Variants in CHRNA9 observed in about 807,000 individuals in gnomAD.
The protein encoded by CHRNA9 is cholinergic receptor nicotinic alpha 9 subunit.
In CHRNA9, 24 loss-of-function variants were observed where a neutral mutation model predicts 36.8. That is an observed-to-expected ratio of 0.65 (90% CI 0.47 to 0.92). CHRNA9 has a LOEUF of 0.92. Ranked by LOEUF, CHRNA9 falls within the 40% of genes least tolerant of loss-of-function variation. The pLI is 0.00. For synonymous variants in CHRNA9, 231 were observed against 231.8 expected (o/e 1.00, Z 0.03); for missense variants, 610 against 601.2 (o/e 1.01, Z -0.15).
chr4:40,337,089 C>A (rs527800170), intron 2 of CHRNA9, 121 bp from the exon 3 acceptor site: 7 of 853,852 alleles, frequency 8.2e-6, no homozygotes, highest in South Asian at 1.7e-5. Flanking sequence ...AAAGCTCTCA[C>A]TTTACTTATT....
At chr4:40,345,166 G>C (rs1712602579) in intron 3 of CHRNA9, among the ~76,000 whole-genome samples, 2 of 152,110 alleles carry the variant, frequency 1.3e-5, no homozygotes, top group Admixed American at 1.3e-4. Flanking sequence ...AGTATTGTTT[G>C]GGCTATAGGA....
At chr4:40,338,188 C>A (rs1408070537) in intron 3 of CHRNA9, 1 of 152,150 alleles carries the variant, frequency 6.6e-6, no homozygotes, top group Non-Finnish European at 1.5e-5. Context: ...AACCAGTTTA[C>A]GGGATACAAA....
Position 40,349,144 on chromosome 4 carries a change from G to A in CHRNA9, c.628G>A (p.Ala210Thr), listed in dbSNP as rs144779684. 48 of 1,614,168 alleles carry A rather than the reference G, an allele frequency of 3.0e-5. No individual in the cohort carries two copies. The highest frequency in any genetic ancestry group is 6.7e-5 in the Admixed American group (4 of 60,022). The part of the protein sequence containing the change: ...DVEWEVHGMP[A>T]VKNVISYGCC... ...GGAATGGGAGGTCCATGGCATGCCC[G>A]CTGTGAAGAATGTGATCTCCTATGG... is the stretch of plus-strand genomic sequence containing the variant. The change falls in exon 4 of 5, where the codon GCT becomes ACT. Residue 210 changes from alanine (A) to threonine (T), a missense_variant. Coordinates refer to ENST00000310169, the MANE Select transcript of CHRNA9 (RefSeq NM_017581.4).
At chr4:40,347,321 G>T (rs996662115) in intron 3 of CHRNA9, among the ~76,000 whole-genome samples, 2 of 152,140 alleles carry the variant, frequency 1.3e-5, no homozygotes, top group African/African-American at 4.8e-5. Context: ...TTAACTTAAG[G>T]AAAGGGTCAG....
intron 3 of CHRNA9, among the ~76,000 whole-genome samples, chr4:40,344,927 C>T (rs1320318682): frequency 6.6e-6 from 1 of 152,042 alleles, no homozygotes; most frequent in African/African-American, 2.4e-5. Context: ...TCACAGAGGT[C>T]GCCTCTGAGC....
intron 3 of CHRNA9, among the ~76,000 whole-genome samples, chr4:40,345,617 C>T (rs192357263): frequency 2.0e-5 from 3 of 151,512 alleles, no homozygotes. Context: ...GAGTCTGGGG[C>T]AGGAGAATTG....
In CHRNA9 at chr4:40,337,295, A is replaced by T; in HGVS notation, c.296A>T (p.Tyr99Phe). 1.2e-6 allele frequency: 2 copies of T among 1,614,244 alleles called. No homozygotes were observed. Among genetic ancestry groups the T allele is most frequent in the Non-Finnish European group, 1.7e-6 (2 of 1,180,026 alleles). The change falls in exon 3 of 5, where the codon TAC (tyrosine) becomes TTC (phenylalanine). Residue 99 changes from tyrosine (Y) to phenylalanine (F), a missense_variant. Tyr to Phe is a conservative substitution (Grantham distance 22). Transcript: ENST00000310169. Reference protein sequence around the residue: ...DAYLTWDRDQYDGLDSIRIPS... With the variant: ...DAYLTWDRDQFDGLDSIRIPS... The stretch of plus-strand genomic sequence containing the variant: ...TATCTCACGTGGGACCGAGATCAGT[A>T]CGATGGCCTAGACTCCATCAGGATC...
At position 40,349,332 on chromosome 4, in the gene CHRNA9, A is replaced by G; in HGVS notation, c.816A>G (p.Gly272=). The change falls in exon 4 of 5, where the codon GGA becomes GGG. Residue 272 remains glycine, a synonymous_variant. Transcript: ENST00000310169. ...PAASGEKVSL[G]VTILLAMTVF... ...CCTCCGGAGAAAAGGTCTCCCTGGG[A>G]GTGACCATCCTGTTGGCCATGACTG... 1 of 1,614,020 alleles carries G rather than the reference A, an allele frequency of 6.2e-7. No individual in the cohort carries two copies. The highest frequency in any genetic ancestry group is 1.1e-5 in the South Asian group (1 of 91,078).
At chr4:40,353,872 T>C in intron 4 of CHRNA9, 107 bp from the exon 5 acceptor site, 2 of 1,046,336 alleles carry the variant, frequency 1.9e-6, no homozygotes, top group South Asian at 3.1e-5. Flanking sequence ...CAAAATCACC[T>C]AATGACTAAT....
intron 3 of CHRNA9, 51 bp from the exon 4 acceptor site, chr4:40,348,831 G>A: frequency 6.4e-7 from 1 of 1,569,854 alleles, no homozygotes; most frequent in Non-Finnish European, 8.7e-7. Context: ...GGTAAGGAAG[G>A]TGGCAAGTTC....
intron 3 of CHRNA9, among the ~76,000 whole-genome samples, chr4:40,347,076 G>A (rs1020301996): frequency 2.0e-5 from 3 of 152,122 alleles, no homozygotes; most frequent in African/African-American, 4.8e-5. Flanking sequence ...GCCTCCCAAA[G>A]TGCTGGGATT....
intron 4 of CHRNA9, among the ~76,000 whole-genome samples, chr4:40,351,407 C>G (rs567084091): frequency 3.3e-5 from 5 of 151,882 alleles, no homozygotes; most frequent in Admixed American, 3.3e-4. Context: ...AACTCCTGGG[C>G]TCAAGTGATC....
chr4:40,339,342 A>T (rs1712430559), intron 3 of CHRNA9, among the ~76,000 whole-genome samples: 1 of 149,650 alleles, frequency 6.7e-6, no homozygotes, highest in African/African-American at 2.4e-5. Flanking sequence ...ATTGACACAG[A>T]TGATCTCTTA....
At chr4:40,340,017 G>A (rs1235815002) in intron 3 of CHRNA9, among the ~76,000 whole-genome samples, 1 of 152,100 alleles carries the variant, frequency 6.6e-6, no homozygotes, top group Admixed American at 6.5e-5. Context: ...CAGAACGGTG[G>A]TCCCCCTCTC....
rs918411635 is a variant in CHRNA9 at position 40,354,829 on chromosome 4, C to T, written c.*309C>T. ...TTGGCAGTACAGATAACAAAATACA[C>T]TTTACTGGTAAAATTTAAAACAAAA... On this transcript the variant is annotated 3_prime_UTR_variant, in exon 5 of 5. Transcript: ENST00000310169. 5.0e-5 allele frequency: 11 copies of T among 219,360 alleles called. No individual in the cohort carries two copies. The highest frequency in any genetic ancestry group is 2.5e-4 in the African/African-American group (11 of 44,002). 13.6% of individuals were successfully genotyped at this position (219,360 alleles called of 1,614,324 possible).
chr4:40,346,433 T>C (rs1712639508), intron 3 of CHRNA9, among the ~76,000 whole-genome samples: 1 of 152,244 alleles, frequency 6.6e-6, no homozygotes, highest in Non-Finnish European at 1.5e-5. Context: ...GTAGGCCATC[T>C]ATTTCCTACA....
intron 3 of CHRNA9, among the ~76,000 whole-genome samples, chr4:40,345,368 AT>A (rs1234296161): frequency 6.6e-6 from 1 of 152,136 alleles, no homozygotes; most frequent in African/African-American, 2.4e-5. Flanking sequence ...CCTTGGCAAC[AT>A]AGTGAGGCAT....
rs1374813969 is a variant in CHRNA9, at chr4:40,349,383, C to G, written c.867C>G (p.Ile289Met). The G allele has an allele frequency of 2.5e-6, 4 of 1,613,678 alleles. No individual in the cohort carries two copies. The highest frequency in any genetic ancestry group is 3.4e-6 in the Non-Finnish European group (4 of 1,179,788). The change falls in exon 4 of 5, where the codon ATC becomes ATG. Residue 289 changes from isoleucine (I) to methionine (M), a missense_variant. Physicochemically the swap from Ile to Met is conservative, Grantham distance 10 (BLOSUM62 1). Transcript: ENST00000310169. ...MTVFQLMVAE[I>M]MPASENVPLI... is the part of the protein sequence containing the mutation. ...TATTTCAGCTAATGGTGGCAGAAAT[C>G]ATGCCGGCCTCAGAAAATGTGCCCC...
rs182739586 is a variant in CHRNA9 at position 40,346,954 on chromosome 4, G to A, written c.366-1928G>A. Among the ~76,000 whole-genome samples, 222 of 152,086 alleles carry A rather than the reference G, an allele frequency of 1.5e-3. 5 individuals are homozygous for A. Among genetic ancestry groups the A allele is most frequent in the Non-Finnish European group, 3.7e-4 (25 of 67,982 alleles). On this transcript the variant is annotated intron_variant, in intron 3 of 4. Transcript: ENST00000310169. ...GCCTCCCGAGTAGCTGGGACTACAG[G>A]TGCGCGCCACCACGCCTGGCTAATT...
Sources: allele counts gnomAD v4.1 joint callset (sites outside exome capture counted in the v4.1 genomes callset), GRCh38; gene constraint gnomAD v4.1.1; transcripts MANE v1.5; gene names NCBI Gene and HGNC (gene_info 2026-07-23, HGNC 2026-07-21).